Variants in MUC6 observed in about 807,000 individuals in gnomAD.
The protein encoded by MUC6 is mucin 6, oligomeric mucus/gel-forming (gene/pseudogene).
Under a neutral mutation model 201.5 loss-of-function variants are expected in MUC6, and 188 were observed. The observed-to-expected ratio is 0.93, with a 90% CI of 0.83 to 1.05. The LOEUF (loss-of-function observed/expected upper bound fraction) is 1.05, where lower values mean the gene tolerates loss of function less well. Ranked by LOEUF, MUC6 falls within the 50% of genes least tolerant of loss-of-function variation. The pLI is 0.00. For missense variants in MUC6, 2,706 were observed against 3,256.9 expected (o/e 0.83, Z 4.12); for synonymous variants, 1,228 against 1,389.4 (o/e 0.88, Z 2.58).
At chr11:1,030,163 G>A (rs1330069867) in intron 8 of MUC6, 50 bp downstream of exon 8, 1 of 1,513,528 alleles carries the variant, frequency 6.6e-7, no homozygotes, top group African/African-American at 1.4e-5. Context: ...CTTGTCTCTG[G>A]GTTCTCTCTA....
At chr11:1,036,482 C>T (rs914088366) in intron 1 of MUC6, 122 bp downstream of exon 1, 17 of 1,161,406 alleles carry the variant, frequency 1.5e-5, no homozygotes, top group Non-Finnish European at 2.0e-5. Flanking sequence ...GAGCTGGGGC[C>T]TCCCGTCCAT....
In MUC6 at chr11:1,018,758, T is replaced by C. The variant is rs758378332; in HGVS notation, c.4043A>G (p.Asn1348Ser). ...GTSPTLPKSTNQELPGTTATQ... is the reference protein window; with the variant it reads ...GTSPTLPKSTSQELPGTTATQ... ...GGCCGTTGTTCCTGGCAGTTCCTGA[T>C]TGGTCGATTTTGCTGTGGGAATTGG... The change falls in exon 31 of 33, where the codon AAT (asparagine) becomes AGT (serine). Residue 1348 changes from asparagine (N) to serine (S), a missense_variant. Coordinates refer to ENST00000421673, the MANE Select transcript of MUC6 (RefSeq NM_005961.3). 5 of 1,562,266 alleles carry C rather than the reference T, an allele frequency of 3.2e-6. No individual in the cohort carries two copies. The highest frequency in any genetic ancestry group is 1.4e-5 in the African/African-American group (1 of 72,188).
intron 1 of MUC6, among the ~76,000 whole-genome samples, chr11:1,035,682 CCCCTGGGG>C (rs1857200685): frequency 6.6e-6 from 1 of 151,988 alleles, no homozygotes; most frequent in Non-Finnish European, 1.5e-5. Flanking sequence ...CAGTGGGACA[CCCCTGGGG>C]GGGTCCCACT....
chr11:1,013,718 G>T, intron 32 of MUC6, 85 bp from the exon 33 acceptor site: 2 of 1,463,412 alleles, frequency 1.4e-6, no homozygotes, highest in Non-Finnish European at 9.3e-7. Flanking sequence ...GCTCCGCAGA[G>T]GCCTGGACCT....
Position 1,013,321 on chromosome 11 carries a change from C to A in MUC6, c.*135G>T. On this transcript the variant is annotated 3_prime_UTR_variant, in exon 33 of 33. Coordinates refer to ENST00000421673, the MANE Select transcript of MUC6 (RefSeq NM_005961.3). ...CTCCAACCGGTGCCCCAGGGAGCCACGGCCCAGGGCACTTGGGGGCCAGGC... is the reference window on the plus strand; with the variant it reads ...CTCCAACCGGTGCCCCAGGGAGCCAAGGCCCAGGGCACTTGGGGGCCAGGC... 1 of 947,278 alleles carries A rather than the reference C, an allele frequency of 1.1e-6. No individual in the cohort carries two copies. 58.7% of individuals were successfully genotyped at this position (947,278 alleles called of 1,614,324 possible). A position where few individuals can be genotyped will look rare whatever the true frequency, so the allele number is the denominator to read the frequency against.
In MUC6 at chr11:1,029,041, C is replaced by T. The variant is rs1271009413; in HGVS notation, c.1380+5G>A. The T allele has an allele frequency of 6.2e-7, 1 of 1,612,866 alleles. No individual in the cohort carries two copies. The highest frequency in any genetic ancestry group is 1.3e-5 in the African/African-American group (1 of 75,034). On this transcript the variant is annotated splice_donor_5th_base_variant and intron_variant, in intron 11 of 32. Transcript: ENST00000421673. The stretch of plus-strand genomic sequence containing the variant: ...TGGCAGGGATGGGCGCAGGAAAGGC[C>T]TTACCTGCCTGGAGAGGTAGACCAC...
Position 1,018,197 on chromosome 11 carries a change from G to A in MUC6, c.4604C>T (p.Pro1535Leu), listed in dbSNP as rs1464531843. The A allele has an allele frequency of 6.2e-7, 1 of 1,613,886 alleles. No homozygotes were observed. The highest frequency in any genetic ancestry group is 1.1e-5 in the South Asian group (1 of 91,088). ...GGTAGTAGAAGTTGGGGTGACTTCA[G>A]GATGGTGTGTGGAGGAAGTGTGTGA... ...LHSHTSSTHH[P>L]EVTPTSTTTI... The change falls in exon 31 of 33, where the codon CCT becomes CTT. Residue 1535 changes from proline (P) to leucine (L), a missense_variant. Around this residue, in one of 10 missense-constraint regions of MUC6, gnomAD observed 128 missense variants for 206.5 expected, o/e 0.62. Coordinates refer to ENST00000421673, the MANE Select transcript of MUC6 (RefSeq NM_005961.3).
chr11:1,031,001 G>T lies in MUC6; in HGVS notation c.630C>A (p.Gly210=), dbSNP rs1031674522. Residue 210 remains glycine, a synonymous_variant, in exon 6 of 33, where the codon GGC becomes GGA. Coordinates refer to ENST00000421673, the MANE Select transcript of MUC6 (RefSeq NM_005961.3). ...GGATGTCCTGGAAGGTGCAGATCTCGCCGGGGTCGTCCAGCTTCTGGAGGG... is the reference window on the plus strand; with the variant it reads ...GGATGTCCTGGAAGGTGCAGATCTCTCCGGGGTCGTCCAGCTTCTGGAGGG... The part of the protein sequence containing the change: ...FAALQKLDDP[G]EICTFQDIPS... 2.5e-6 allele frequency: 4 copies of T among 1,583,482 alleles called. No individual in the cohort carries two copies. Among genetic ancestry groups the T allele is most frequent in the South Asian group, 2.3e-5 (2 of 86,370 alleles).
intron 2 of MUC6, among the ~76,000 whole-genome samples, chr11:1,032,602 CAT>C (rs1857133969): frequency 2.0e-5 from 3 of 149,210 alleles, no homozygotes; most frequent in South Asian, 4.3e-4. Context: ...GGTGCGTGCA[CAT>C]GTGTAAGTCG....
chr11:1,021,202 C>G lies in MUC6; in HGVS notation c.3589+13G>C. 6.4e-7 allele frequency: 1 copy of G among 1,568,790 alleles called. No individual in the cohort carries two copies. Among genetic ancestry groups the G allele is most frequent in the Non-Finnish European group, 8.6e-7 (1 of 1,161,658 alleles). On this transcript the variant is annotated intron_variant, in intron 27 of 32. Transcript: ENST00000421673. ...GCAGGGGCAGGGTTCTCAGGGCAGC[C>G]GACTGGACTTACTGCAGGGCACGCA...
intron 26 of MUC6, among the ~76,000 whole-genome samples, chr11:1,023,290 GTGAA>G (rs772225338): frequency 3.0e-4 from 45 of 152,084 alleles, no homozygotes; most frequent in East Asian, 9.7e-4. Context: ...ACAAATGTGC[GTGAA>G]TGAATGAATA....
chr11:1,021,061 C>T (rs1856794277), intron 27 of MUC6, among the ~76,000 whole-genome samples, 154 bp downstream of exon 27: 2 of 152,282 alleles, frequency 1.3e-5, no homozygotes, highest in African/African-American at 4.8e-5. Context: ...TCTCTGGAGA[C>T]CCAAGGGGCC....
Position 1,016,103 on chromosome 11 carries a change from A to T in MUC6, c.6698T>A (p.Val2233Glu). 6.2e-7 allele frequency: 1 copy of T among 1,613,196 alleles called. No homozygotes were observed. The highest frequency in any genetic ancestry group is 8.5e-7 in the Non-Finnish European group (1 of 1,179,430). ...SALLPISTVT[V>E]SPTPSSHLAS... The stretch of plus-strand genomic sequence containing the variant: ...TAGGTGGCTGGATGGGGTGGGAGAC[A>T]CGGTAACAGTGGATATGGGGAGTAG... Residue 2233 changes from valine (V) to glutamate (E), a missense_variant, in exon 31 of 33, where the codon GTG (valine) becomes GAG (glutamate). Val to Glu is a moderately radical substitution (Grantham distance 121, BLOSUM62 -2). Coordinates refer to ENST00000421673, the MANE Select transcript of MUC6 (RefSeq NM_005961.3).
In MUC6 at chr11:1,031,995, G is replaced by C; in HGVS notation, c.174C>G (p.His58Gln). The C allele has an allele frequency of 6.2e-7, 1 of 1,613,606 alleles. No homozygotes were observed. The highest frequency in any genetic ancestry group is 8.5e-7 in the Non-Finnish European group (1 of 1,179,874). ...ACGTCCCCGAGAAGTCGTACACGTG[G>C]TGGTCGAAGGTGGAGAAGTGACCAG... ...WGAGHFSTFD[H>Q]HVYDFSGTCN... is the part of the protein sequence containing the mutation. Residue 58 changes from histidine to glutamine, a missense_variant, in exon 3 of 33, where the codon CAC (histidine) becomes CAG (glutamine). His to Gln is a conservative substitution (Grantham distance 24). This residue lies in a region of MUC6 where 1,850 missense variants were observed against 1,958.3 expected (regional missense o/e 0.94). Transcript: ENST00000421673.
Position 1,023,663 on chromosome 11 carries a change from G to C in MUC6, c.3383-11C>G, listed in dbSNP as rs1167906615. ...AGCCGCAGTAGATGGCTGGGAGGAA[G>C]GGAGCTGTCAGCTGGTGGGGTTCCT... On this transcript the variant is annotated splice_polypyrimidine_tract_variant and intron_variant, in intron 25 of 32. Coordinates refer to ENST00000421673, the MANE Select transcript of MUC6 (RefSeq NM_005961.3). 6.2e-7 allele frequency: 1 copy of C among 1,611,410 alleles called. No homozygotes were observed. The highest frequency in any genetic ancestry group is 8.5e-7 in the Non-Finnish European group (1 of 1,179,264).
intron 26 of MUC6, among the ~76,000 whole-genome samples, chr11:1,023,000 G>C (rs1434757637): frequency 6.6e-6 from 1 of 151,854 alleles, no homozygotes; most frequent in African/African-American, 2.4e-5. Flanking sequence ...GTGAGTAAAT[G>C]TGTGAATGAG....
intron 8 of MUC6, 133 bp from the exon 9 acceptor site, chr11:1,029,748 G>C: frequency 8.2e-7 from 1 of 1,224,426 alleles, no homozygotes; most frequent in South Asian, 1.6e-5. Flanking sequence ...CCAGGGAGAC[G>C]CCCCTCCAGC....
Position 1,013,139 on chromosome 11 carries a change from C to G in MUC6, c.*317G>C, listed in dbSNP as rs1856514858. 1 of 412,714 alleles carries G rather than the reference C, an allele frequency of 2.4e-6. No homozygotes were observed. Among genetic ancestry groups the G allele is most frequent in the Admixed American group, 4.1e-5 (1 of 24,116 alleles). The allele number at this position is 412,714 out of a possible 1,614,324, so 25.6% of individuals were successfully genotyped here. ...GTTCTGGGCCCAGCAGGGCTGGGGC[C>G]AAGTTCAGGGGCTGGGAGGTGTTGG... On this transcript the variant is annotated 3_prime_UTR_variant, in exon 33 of 33. Coordinates refer to ENST00000421673, the MANE Select transcript of MUC6 (RefSeq NM_005961.3).
rs770609005 is a variant in MUC6 at position 1,018,725 on chromosome 11, G to A, written c.4076C>T (p.Thr1359Met). 1.1e-5 allele frequency: 17 copies of A among 1,587,676 alleles called. No individual in the cohort carries two copies. Among genetic ancestry groups the A allele is most frequent in the East Asian group, 4.5e-5 (2 of 44,570 alleles). The change falls in exon 31 of 33, where the codon ACG becomes ATG. Residue 1359 changes from threonine (T) to methionine (M), a missense_variant. Coordinates refer to ENST00000421673, the MANE Select transcript of MUC6 (RefSeq NM_005961.3). ...TGCTGGGGTTGGACGTGGGCCTGTCGTCTGGGTGGCCGTTGTTCCTGGCAG... is the reference window on the plus strand; with the variant it reads ...TGCTGGGGTTGGACGTGGGCCTGTCATCTGGGTGGCCGTTGTTCCTGGCAG... ...QELPGTTATQ[T>M]TGPRPTPAST...
Sources: gnomAD v4.1 joint callset for allele counts (sites outside exome capture counted in the v4.1 genomes callset) on GRCh38, gnomAD v4.1.1 for gene constraint, gnomAD v4.1.1 regional missense constraint, MANE v1.5 for transcripts, NCBI Gene and HGNC (gene_info 2026-07-23, HGNC 2026-07-21) for gene names.